Variants in FOXP1 observed in about 807,000 individuals in gnomAD.
FOXP1 encodes the protein forkhead box protein P1.
In FOXP1, 15 loss-of-function variants were observed where a neutral mutation model predicts 98.2. The ratio of observed to expected loss-of-function variants is 0.15; its 90% CI spans 0.10 to 0.24. The LOEUF (loss-of-function observed/expected upper bound fraction) is 0.24. FOXP1 is among the 10% of genes least tolerant of loss of function. The probability of loss-of-function intolerance (pLI) is 1.00; values close to 1 mark genes in which losing one functional copy is unlikely to be tolerated. For synonymous variants in FOXP1, 371 were observed against 314.5 expected, an observed-to-expected ratio of 1.18 and a Z score of -1.90; for missense variants, 633 against 848.5, an observed-to-expected ratio of 0.75 and a Z score of 3.15.
intron 4 of FOXP1, chr3:71,335,307 G>C (rs567351656): frequency 6.6e-6 from 1 of 151,894 alleles, no homozygotes; most frequent in Non-Finnish European, 1.5e-5. Context: ...CATAATAATG[G>C]AGTTAGACTA....
intron 7 of FOXP1, among the ~76,000 whole-genome samples, chr3:71,098,712 G>A (rs1050474254): frequency 2.6e-5 from 4 of 152,140 alleles, no homozygotes; most frequent in Non-Finnish European, 5.9e-5. Context: ...CAGGAATGGT[G>A]CGGAATGTCA....
At chr3:71,117,375 C>G (rs1211341952) in intron 6 of FOXP1, among the ~76,000 whole-genome samples, 1 of 152,222 alleles carries the variant, frequency 6.6e-6, no homozygotes, top group Non-Finnish European at 1.5e-5. Flanking sequence ...GTGTGAGCCA[C>G]TGTGGCAGGC....
At chr3:71,319,826 C>T (rs957656019) in intron 4 of FOXP1, among the ~76,000 whole-genome samples, 3 of 152,152 alleles carry the variant, frequency 2.0e-5, no homozygotes, top group Admixed American at 6.6e-5. Flanking sequence ...CCCTCTTCTC[C>T]GCCAATCTGG....
At position 71,211,790 on chromosome 3, in the gene FOXP1, C is replaced by T. The variant is rs1435906626; in HGVS notation, c.-11-13398G>A. Among the ~76,000 whole-genome samples the T allele has an allele frequency of 2.0e-5, 3 of 152,252 alleles. No individual in the cohort carries two copies. The East Asian group carries it at 5.8e-4, about 29-fold the overall frequency. ...TCTTAGTGGACACCGGAGCTAGTTT[C>T]CCAAGCCCCATGCATTCACTTTTAC... On this transcript the variant is annotated intron_variant, in intron 5 of 20. Transcript: ENST00000649528.
At chr3:71,277,647 T>C (rs2071055346) in intron 5 of FOXP1, among the ~76,000 whole-genome samples, 1 of 152,096 alleles carries the variant, frequency 6.6e-6, no homozygotes, top group Admixed American at 6.6e-5. Context: ...GCATGCCAAG[T>C]TCACTCCCAC....
intron 7 of FOXP1, chr3:71,064,944 G>T: frequency 4.1e-6 from 1 of 245,502 alleles, no homozygotes; most frequent in Non-Finnish European, 6.4e-6. Flanking sequence ...GGGGCGCTCC[G>T]GCTCGCGGGC....
rs61281811 is a variant in FOXP1 at position 71,200,083 on chromosome 3, C to CAAAAAAAAA, written c.-11-1700_-11-1692dup. 9.6e-4 allele frequency among the ~76,000 whole-genome samples: 73 copies of CAAAAAAAAA among 76,024 alleles called. 1 individual carries two copies. The highest frequency in any genetic ancestry group is 1.7e-3 in the Admixed American group (9 of 5,214). 49.9% of individuals were successfully genotyped at this position (76,024 alleles called of 152,430 possible). ...AGCTACAGAGCGAGACTCCATCTCA[C>CAAAAAAAAA]AAAAAAAAAAAAAAAAAAAAAAGAG... On this transcript the variant is annotated intron_variant, in intron 5 of 20. Coordinates refer to ENST00000649528, the MANE Select transcript of FOXP1 (RefSeq NM_001349338.3).
chr3:71,561,540 C>T (rs1235570021), intron 2 of FOXP1, among the ~76,000 whole-genome samples: 1 of 152,072 alleles, frequency 6.6e-6, no homozygotes, highest in South Asian at 2.1e-4. Context: ...AGCTCTTAAC[C>T]TCTCTGGAAC....
chr3:71,302,851 G>A (rs977442846), intron 4 of FOXP1: 6 of 152,038 alleles, frequency 3.9e-5, no homozygotes, highest in Non-Finnish European at 8.8e-5. Flanking sequence ...TTTCTACTGC[G>A]AACTCTAGGG....
intron 6 of FOXP1, among the ~76,000 whole-genome samples, chr3:71,134,172 CTG>C (rs2059707800): frequency 1.3e-5 from 2 of 152,178 alleles, no homozygotes; most frequent in African/African-American, 4.8e-5. Context: ...CTGTGTGGGA[CTG>C]TGGTCTGCTT....
intron 5 of FOXP1, among the ~76,000 whole-genome samples, chr3:71,290,949 C>T (rs1054714659): frequency 2.6e-5 from 4 of 152,314 alleles, no homozygotes; most frequent in Non-Finnish European, 2.9e-5. Context: ...GACACTGCTT[C>T]GGCCATACTG....
At chr3:71,254,411 G>A (rs796278055) in intron 5 of FOXP1, among the ~76,000 whole-genome samples, 12 of 152,280 alleles carry the variant, frequency 7.9e-5, no homozygotes, top group African/African-American at 2.2e-4. Flanking sequence ...ATTGTGGACC[G>A]GCATTTGCTA....
chr3:70,997,314 G>C (rs999203884), intron 13 of FOXP1, among the ~76,000 whole-genome samples: 1 of 152,190 alleles, frequency 6.6e-6, no homozygotes, highest in African/African-American at 2.4e-5. Flanking sequence ...TAAAAAGTAT[G>C]TTTCTAGACA....
chr3:71,288,136 T>C (rs2072364581), intron 5 of FOXP1, among the ~76,000 whole-genome samples: 1 of 152,180 alleles, frequency 6.6e-6, no homozygotes, highest in African/African-American at 2.4e-5. Context: ...CGTCTCGGCC[T>C]CCCAAAGTGC....
At chr3:70,980,575 T>C (rs556076136) in intron 14 of FOXP1, among the ~76,000 whole-genome samples, 1 of 152,344 alleles carries the variant, frequency 6.6e-6, no homozygotes, top group East Asian at 1.9e-4. Flanking sequence ...CACACTTGTA[T>C]GATTCTAGAT....
At chr3:70,996,279 T>A (rs2041350288) in intron 13 of FOXP1, among the ~76,000 whole-genome samples, 1 of 152,166 alleles carries the variant, frequency 6.6e-6, no homozygotes, top group South Asian at 2.1e-4. Flanking sequence ...CCACCACGCC[T>A]GCCCGGCCTC....
intron 5 of FOXP1, among the ~76,000 whole-genome samples, chr3:71,232,495 G>A (rs187623867): frequency 6.6e-6 from 1 of 152,166 alleles, no homozygotes; most frequent in East Asian, 1.9e-4. Context: ...GTACACAAAA[G>A]CTACAGAAAT....
intron 7 of FOXP1, among the ~76,000 whole-genome samples, chr3:71,109,257 G>A (rs1434319116): frequency 6.6e-6 from 1 of 152,130 alleles, no homozygotes; most frequent in Non-Finnish European, 1.5e-5. Context: ...GGTGATGTTT[G>A]ACTATATTTT....
At chr3:71,164,176 C>T (rs1036191025) in intron 6 of FOXP1, among the ~76,000 whole-genome samples, 1 of 152,102 alleles carries the variant, frequency 6.6e-6, no homozygotes, top group Non-Finnish European at 1.5e-5. Flanking sequence ...ACAACTTAGA[C>T]TGCTGTACTT....
Sources: gnomAD v4.1 joint callset for allele counts (sites outside exome capture counted in the v4.1 genomes callset) on GRCh38, gnomAD v4.1.1 for gene constraint, MANE v1.5 for transcripts, NCBI Gene and HGNC (gene_info 2026-07-23, HGNC 2026-07-21) for gene names.